Variants in AGO1 observed in about 807,000 individuals in gnomAD.
AGO1 encodes the protein protein argonaute-1.
A neutral mutation model predicts 109.2 loss-of-function variants in AGO1; 11 were observed. That is an observed-to-expected ratio of 0.10 (90% CI 0.06 to 0.17). The LOEUF (loss-of-function observed/expected upper bound fraction) is 0.17, where lower values mean the gene tolerates loss of function less well. Ranked by LOEUF, AGO1 falls within the 10% of genes least tolerant of loss-of-function variation. The probability of loss-of-function intolerance (pLI) is 1.00; values close to 1 mark genes in which losing one functional copy is unlikely to be tolerated. For missense variants in AGO1, 574 were observed against 1,140.3 expected, an observed-to-expected ratio of 0.50 and a Z score of 7.15; for synonymous variants, 422 against 418.6, an observed-to-expected ratio of 1.01 and a Z score of -0.10.
In AGO1 at chr1:35,917,474, T is replaced by G; in HGVS notation, c.2029-119T>G. 3.4e-6 allele frequency: 4 copies of G among 1,189,748 alleles called. No homozygotes were observed. The South Asian group carries it at 7.1e-5, about 21-fold the overall frequency. 73.7% of individuals were successfully genotyped at this position (1,189,748 alleles called of 1,614,324 possible). On this transcript the variant is annotated intron_variant, in intron 15 of 18. Transcript: ENST00000373204. ...TCTCTAATTGTTGAGCATCAGCATA[T>G]AAAGGGAGACTGAGCCAAAAGTTAT... is the stretch of plus-strand genomic sequence containing the variant.
chr1:35,925,138 A>C lies in AGO1; in HGVS notation c.*5531A>C, dbSNP rs1645903375. On this transcript the variant is annotated 3_prime_UTR_variant, in exon 19 of 19. Coordinates refer to ENST00000373204, the MANE Select transcript of AGO1 (RefSeq NM_012199.5). ...GTGAGGTAGGAGAAGAAATCAGAGT[A>C]GAAGAAGGTTCATGAAGGGAGTGAT... 1 of 151,992 alleles carries C rather than the reference A, an allele frequency of 6.6e-6. No homozygotes were observed. Among genetic ancestry groups the C allele is most frequent in the South Asian group, 2.1e-4 (1 of 4,806 alleles). 9.4% of individuals were successfully genotyped at this position (151,992 alleles called of 1,614,324 possible).
At chr1:35,912,413 T>G (rs998268060) in intron 12 of AGO1, among the ~76,000 whole-genome samples, 13 of 150,252 alleles carry the variant, frequency 8.7e-5, no homozygotes, top group Non-Finnish European at 1.2e-4. Flanking sequence ...CTGTACCTAA[T>G]TATCACACAA....
upstream of AGO1, among the ~76,000 whole-genome samples, chr1:35,881,937 A>G (rs1645041379): frequency 2.6e-5 from 4 of 152,248 alleles, no homozygotes. Context: ...TGATACGTCT[A>G]GCAAGATATG....
chr1:35,892,511 T>C, intron 2 of AGO1, 46 bp from the exon 3 acceptor site: 1 of 1,613,558 alleles, frequency 6.2e-7, no homozygotes, highest in South Asian at 1.1e-5. Context: ...AAACTTGAAG[T>C]GGTGGTAGTC....
In AGO1 at chr1:35,913,849, G is replaced by T; in HGVS notation, c.1590G>T (p.Val530=). The T allele has an allele frequency of 6.2e-7, 1 of 1,613,866 alleles. No homozygotes were observed. Among genetic ancestry groups the T allele is most frequent in the Non-Finnish European group, 8.5e-7 (1 of 1,179,970 alleles). Residue 530 remains valine, a synonymous_variant, in exon 13 of 19, where the codon GTG becomes GTT. Coordinates refer to ENST00000373204, the MANE Select transcript of AGO1 (RefSeq NM_012199.5). The part of the protein sequence containing the change: ...LPGKTPVYAE[V]KRVGDTLLGM... ...TTCTCTCCCTGCCCTTAGCTGAGGT[G>T]AAACGTGTCGGAGATACACTCTTGG...
At chr1:35,908,864 GC>G in intron 12 of AGO1, among the ~76,000 whole-genome samples, 2 of 148,944 alleles carry the variant, frequency 1.3e-5, no homozygotes, top group Middle Eastern at 6.8e-3. Flanking sequence ...TGTTGCCCAG[GC>G]TGGAGTGCAG....
chr1:35,905,435 T>C (rs1645501672), intron 11 of AGO1, among the ~76,000 whole-genome samples: 1 of 152,212 alleles, frequency 6.6e-6, no homozygotes, highest in Non-Finnish European at 1.5e-5. Context: ...ATATTACAGA[T>C]AAATTTGATG....
chr1:35,916,724 A>G (rs567231749), intron 15 of AGO1, among the ~76,000 whole-genome samples: 6 of 152,334 alleles, frequency 3.9e-5, no homozygotes, highest in Admixed American at 2.6e-4. Context: ...CACATTTATC[A>G]TATCACATAT....
At chr1:35,875,989 T>C (rs1644989402) in intron 1 of AGO1, among the ~76,000 whole-genome samples, 1 of 152,228 alleles carries the variant, frequency 6.6e-6, no homozygotes, top group African/African-American at 2.4e-5. Context: ...ATTGAAAACC[T>C]TCTGGAAAGG....
intron 1 of AGO1, among the ~76,000 whole-genome samples, chr1:35,885,849 T>C (rs1645111692): frequency 6.6e-6 from 1 of 152,226 alleles, no homozygotes; most frequent in Non-Finnish European, 1.5e-5. Context: ...CATTCAAGTG[T>C]GAACATAAAT....
Position 35,893,121 on chromosome 1 carries a change from G to A in AGO1, c.355G>A (p.Gly119Arg), listed in dbSNP as rs1557606462. 6.2e-7 allele frequency: 1 copy of A among 1,614,042 alleles called. No individual in the cohort carries two copies. The highest frequency in any genetic ancestry group is 1.1e-5 in the South Asian group (1 of 91,062). ...ERVDFEVTIP[G>R]EGKDRIFKVS... ...GGTCGACTTTGAGGTGACAATCCCT[G>A]GGGAAGGGAAGGATCGAATCTTTAA... is the stretch of plus-strand genomic sequence containing the variant. The change falls in exon 4 of 19, where the codon GGG (glycine) becomes AGG (arginine). Residue 119 changes from glycine (G) to arginine (R), a missense_variant. Physicochemically the swap from Gly to Arg is moderately radical, Grantham distance 125. This residue lies in a region of AGO1 where 129 missense variants were observed against 243.0 expected (regional missense o/e 0.53). Coordinates refer to ENST00000373204, the MANE Select transcript of AGO1 (RefSeq NM_012199.5). This position sits in a 1 kb window ranked among gnomAD's most constrained non-coding sequence, Gnocchi z 5.6.
At chr1:35,914,384 G>A (rs898452669) in intron 14 of AGO1, 110 bp downstream of exon 14, 3 of 823,944 alleles carry the variant, frequency 3.6e-6, no homozygotes, top group Non-Finnish European at 6.0e-6. Context: ...TTCATAAGAT[G>A]TCCATTTAGC....
At chr1:35,912,527 A>G (rs1645655694) in intron 12 of AGO1, among the ~76,000 whole-genome samples, 1 of 152,058 alleles carries the variant, frequency 6.6e-6, no homozygotes, top group Admixed American at 6.5e-5. Flanking sequence ...CTTCAGACTC[A>G]AAATGTCTCA....
intron 1 of AGO1, among the ~76,000 whole-genome samples, chr1:35,884,314 G>A (rs1205907271): frequency 6.6e-6 from 1 of 152,116 alleles, no homozygotes; most frequent in Non-Finnish European, 1.5e-5. Context: ...ATGGGTTCTG[G>A]GGGTGGGTCC....
intron 16 of AGO1, 150 bp downstream of exon 16, chr1:35,917,877 C>T: frequency 8.8e-7 from 1 of 1,131,448 alleles, no homozygotes; most frequent in Non-Finnish European, 1.2e-6. Context: ...GTGGTCCTTC[C>T]TCTGCCACCG....
chr1:35,901,899 G>A lies in AGO1; in HGVS notation c.1141-49G>A, dbSNP rs1466054724. The A allele has an allele frequency of 6.5e-7, 1 of 1,544,558 alleles. No individual in the cohort carries two copies. Among genetic ancestry groups the A allele is most frequent in the African/African-American group, 1.4e-5 (1 of 72,536 alleles). ...CTCCTTGATACCCAGAGGGTGAGCA[G>A]TATTGCCAAGCTCCTGTTCTCCTGA... On this transcript the variant is annotated intron_variant, in intron 9 of 18. Coordinates refer to ENST00000373204, the MANE Select transcript of AGO1 (RefSeq NM_012199.5). This position sits in a 1 kb window ranked among gnomAD's most constrained non-coding sequence, Gnocchi z 4.8.
At chr1:35,918,163 TGAC>T (rs1221304982) in intron 16 of AGO1, among the ~76,000 whole-genome samples, 156 bp from the exon 17 acceptor site, 2 of 152,316 alleles carry the variant, frequency 1.3e-5, no homozygotes, top group Non-Finnish European at 2.9e-5. Context: ...CAGGTCTGTG[TGAC>T]TTTAGAAGCA....
chr1:35,914,476 G>A (rs964703860), intron 14 of AGO1, among the ~76,000 whole-genome samples: 3 of 152,206 alleles, frequency 2.0e-5, no homozygotes, highest in Admixed American at 6.5e-5. Context: ...AGTAATGAGA[G>A]TGTAGCCAGA....
In AGO1 at chr1:35,926,554, G is replaced by C. The variant is rs976378557; in HGVS notation, c.*6947G>C. 1.3e-5 allele frequency: 2 copies of C among 152,204 alleles called. No individual in the cohort carries two copies. Among genetic ancestry groups the C allele is most frequent in the African/African-American group, 4.8e-5 (2 of 41,440 alleles). 9.4% of individuals were successfully genotyped at this position (152,204 alleles called of 1,614,324 possible). On this transcript the variant is annotated 3_prime_UTR_variant, in exon 19 of 19. Coordinates refer to ENST00000373204, the MANE Select transcript of AGO1 (RefSeq NM_012199.5). ...AAGGAAAAGCCTAGTTGGAATTTCT[G>C]AGTCTGGGCCATCCTTAAGCTGCTG...
Sources: allele counts gnomAD v4.1 joint callset (sites outside exome capture counted in the v4.1 genomes callset), GRCh38; gene constraint gnomAD v4.1.1; regional missense constraint gnomAD v4.1.1; non-coding constraint Gnocchi (gnomAD v3.1); transcripts MANE v1.5; gene names NCBI Gene and HGNC (gene_info 2026-07-23, HGNC 2026-07-21).